Variants in ARIH1 observed in about 807,000 individuals in gnomAD.
The protein encoded by ARIH1 is E3 ubiquitin-protein ligase ARIH1.
A neutral mutation model predicts 85.0 loss-of-function variants in ARIH1; 8 were observed. The ratio of observed to expected loss-of-function variants is 0.09; its 90% CI spans 0.06 to 0.17. The LOEUF is 0.17. Among genes scored for constraint, ARIH1 ranks in the 10% least tolerant of loss-of-function variants. The pLI, the probability that ARIH1 is intolerant of heterozygous loss-of-function variation, is 1.00. For missense variants in ARIH1, 311 were observed against 718.1 expected (o/e 0.43, Z 6.48); for synonymous variants, 238 against 253.6 (o/e 0.94, Z 0.59).
Position 72,595,591 on chromosome 15 carries a change from G to C in ARIH1, c.*12299G>C, listed in dbSNP as rs1177050633. The C allele has an allele frequency of 6.6e-6, 1 of 152,208 alleles. No individual in the cohort carries two copies. Among genetic ancestry groups the C allele is most frequent in the Non-Finnish European group, 1.5e-5 (1 of 68,114 alleles). The allele number at this position is 152,208 out of a possible 1,614,324, so 9.4% of individuals were successfully genotyped here. On this transcript the variant is annotated 3_prime_UTR_variant, in exon 14 of 14. Transcript: ENST00000379887. ...CTTTCTTGGCTCCAGCAATCATCCT[G>C]CCTCAGCCTCCCGAGTAGCTGGGAC...
Position 72,602,471 on chromosome 15 carries a change from A to T in ARIH1, c.*19179A>T, listed in dbSNP as rs750424932. 6 of 152,198 alleles carry T rather than the reference A, an allele frequency of 3.9e-5. No homozygotes were observed. Among genetic ancestry groups the T allele is most frequent in the Admixed American group, 3.3e-4 (5 of 15,286 alleles). The allele number at this position is 152,198 out of a possible 1,614,324, so 9.4% of individuals were successfully genotyped here. A position where few individuals can be genotyped will look rare whatever the true frequency, so the allele number is the denominator to read the frequency against. On this transcript the variant is annotated 3_prime_UTR_variant, in exon 14 of 14. Coordinates refer to ENST00000379887, the MANE Select transcript of ARIH1 (RefSeq NM_005744.5). ...ATAAACTTTGCTTACTTATTATCTA[A>T]TGTCTGACTAATTTGCTACACTCTA...
chr15:72,510,760 AAAAAAAAAAAG>A, intron 1 of ARIH1, among the ~76,000 whole-genome samples: 1 of 148,016 alleles, frequency 6.8e-6, no homozygotes, highest in African/African-American at 2.5e-5. Flanking sequence ...AAAAAAAAAA[AAAAAAAAAAAG>A]ACTTTTTCCC....
intron 2 of ARIH1, among the ~76,000 whole-genome samples, chr15:72,519,854 G>T (rs1169087728): frequency 6.6e-6 from 1 of 151,910 alleles, no homozygotes; most frequent in Non-Finnish European, 1.5e-5. Context: ...TTTTTTATTT[G>T]ATGACACCTC....
Position 72,541,164 on chromosome 15 carries a change from G to C in ARIH1, c.444-3656G>C, listed in dbSNP as rs554135653. On this transcript the variant is annotated intron_variant, in intron 2 of 13. Coordinates refer to ENST00000379887, the MANE Select transcript of ARIH1 (RefSeq NM_005744.5). ...AAAGGAAGCGGTGTATCAAGCGAAT[G>C]AGCTACAGCTGTGAGGGTTTAGCAT... Among the ~76,000 whole-genome samples the C allele has an allele frequency of 1.0e-3, 154 of 152,300 alleles. No individual in the cohort carries two copies. In the Middle Eastern group the frequency reaches 0.01, roughly 10 times the overall value.
rs1230464282 is a variant in ARIH1, at chr15:72,593,651, G to A, written c.*10359G>A. The A allele has an allele frequency of 1.3e-5, 2 of 152,114 alleles. No homozygotes were observed. Among genetic ancestry groups the A allele is most frequent in the Non-Finnish European group, 2.9e-5 (2 of 68,008 alleles). 9.4% of individuals were successfully genotyped at this position (152,114 alleles called of 1,614,324 possible). The stretch of plus-strand genomic sequence containing the variant: ...GTGTGTGTGTATTTCTACATTTTCT[G>A]TTCTGTTCCATTAATCTATTTGTGT... On this transcript the variant is annotated 3_prime_UTR_variant, in exon 14 of 14. Coordinates refer to ENST00000379887, the MANE Select transcript of ARIH1 (RefSeq NM_005744.5).
rs148519027 is a variant in ARIH1 at position 72,508,982 on chromosome 15, C to T, written c.376-9085C>T. ...GTGCTGGGATTACAGGTGTGAGCCA[C>T]TGTGCCTGGCCCTTTTTTTTTTTTT... On this transcript the variant is annotated intron_variant, in intron 1 of 13. Transcript: ENST00000379887. Among the ~76,000 whole-genome samples, 648 of 150,736 alleles carry T rather than the reference C, an allele frequency of 4.3e-3. 6 individuals are homozygous for T. The highest frequency in any genetic ancestry group is 0.015 in the African/African-American group (627 of 41,072).
At chr15:72,522,832 C>G (rs996053953) in intron 2 of ARIH1, among the ~76,000 whole-genome samples, 3 of 152,112 alleles carry the variant, frequency 2.0e-5, no homozygotes, top group Non-Finnish European at 4.4e-5. Context: ...AAAAATGGGC[C>G]AAAGAGCTTA....
intron 9 of ARIH1, among the ~76,000 whole-genome samples, chr15:72,567,782 C>T (rs1172051306): frequency 6.6e-6 from 1 of 152,150 alleles, no homozygotes; most frequent in Non-Finnish European, 1.5e-5. Flanking sequence ...GTAATTCAGT[C>T]CTATCCTATC....
chr15:72,492,230 T>C (rs2063862369), intron 1 of ARIH1, among the ~76,000 whole-genome samples: 1 of 152,192 alleles, frequency 6.6e-6, no homozygotes, highest in Non-Finnish European at 1.5e-5. Flanking sequence ...ATATATATTA[T>C]ATAAAATTTG....
chr15:72,570,423 A>G (rs915725974), intron 10 of ARIH1, 116 bp downstream of exon 10: 1 of 1,261,754 alleles, frequency 7.9e-7, no homozygotes, highest in Admixed American at 2.2e-5. Context: ...ATAAATACAT[A>G]GTGTGTGATT....
chr15:72,514,866 GGCAT>G (rs2063967762), intron 1 of ARIH1, among the ~76,000 whole-genome samples: 1 of 152,016 alleles, frequency 6.6e-6, no homozygotes, highest in African/African-American at 2.4e-5. Context: ...TGAGTGTGGT[GGCAT>G]GCCCCTGTAA....
At chr15:72,531,738 C>G (rs1285606205) in intron 2 of ARIH1, among the ~76,000 whole-genome samples, 1 of 152,098 alleles carries the variant, frequency 6.6e-6, no homozygotes, top group Non-Finnish European at 1.5e-5. Flanking sequence ...AAGATGATAC[C>G]TCAGTCTTTT....
chr15:72,598,805 C>T lies in ARIH1; in HGVS notation c.*15513C>T, dbSNP rs909509539. 1 of 151,798 alleles carries T rather than the reference C, an allele frequency of 6.6e-6. No individual in the cohort carries two copies. The highest frequency in any genetic ancestry group is 6.6e-5 in the Admixed American group (1 of 15,240). 9.4% of individuals were successfully genotyped at this position (151,798 alleles called of 1,614,324 possible). On this transcript the variant is annotated 3_prime_UTR_variant, in exon 14 of 14. Coordinates refer to ENST00000379887, the MANE Select transcript of ARIH1 (RefSeq NM_005744.5). Reference sequence around the variant, plus strand: ...TGATCATAGCTCACTGCTGGCTTGACCTTCTGGGCTCAAGTGATCCTCTTG... The same window carrying T: ...TGATCATAGCTCACTGCTGGCTTGATCTTCTGGGCTCAAGTGATCCTCTTG...
chr15:72,539,548 G>A (rs1295927907), intron 2 of ARIH1, among the ~76,000 whole-genome samples: 1 of 152,170 alleles, frequency 6.6e-6, no homozygotes, highest in Non-Finnish European at 1.5e-5. Context: ...AATAGGTCTG[G>A]AAGACAGGAA....
At chr15:72,526,860 C>CTTTTT (rs58241698) in intron 2 of ARIH1, among the ~76,000 whole-genome samples, 1 of 138,146 alleles carries the variant, frequency 7.2e-6, no homozygotes, top group Non-Finnish European at 1.5e-5. Flanking sequence ...CTGTCTAATG[C>CTTTTT]TTTTTTTTTT....
intron 1 of ARIH1, among the ~76,000 whole-genome samples, chr15:72,477,618 C>T (rs775955267): frequency 1.3e-5 from 2 of 152,020 alleles, no homozygotes; most frequent in African/African-American, 4.8e-5. Flanking sequence ...TAGGTTTGGT[C>T]TTCAAATAAG....
At chr15:72,534,956 A>ATTTTTTTTTT (rs1179478559) in intron 2 of ARIH1, among the ~76,000 whole-genome samples, 1 of 45,114 alleles carries the variant, frequency 2.2e-5, no homozygotes, top group Non-Finnish European at 1.9e-4. Flanking sequence ...TATTGTCTGT[A>ATTTTTTTTTT]TTCTTTTTTT....
intron 1 of ARIH1, among the ~76,000 whole-genome samples, chr15:72,516,018 C>T (rs754961235): frequency 1.8e-4 from 27 of 152,178 alleles, no homozygotes; most frequent in Non-Finnish European, 4.0e-4. Flanking sequence ...TAAATAAAAA[C>T]ATGGTGGTGG....
chr15:72,555,832 TA>T lies in ARIH1; in HGVS notation c.682-17del. 6.2e-7 allele frequency: 1 copy of T among 1,609,102 alleles called. No homozygotes were observed. Among genetic ancestry groups the T allele is most frequent in the Non-Finnish European group, 8.5e-7 (1 of 1,176,010 alleles). On this transcript the variant is annotated intron_variant, in intron 4 of 13. Transcript: ENST00000379887. ...AAATATTTGTTGAATGAAGACAGTT[TA>T]AATTTCAATCTTTTTCAGACTATTT...
Sources: gnomAD v4.1 joint callset for allele counts (sites outside exome capture counted in the v4.1 genomes callset) on GRCh38, gnomAD v4.1.1 for gene constraint, MANE v1.5 for transcripts, NCBI Gene and HGNC (gene_info 2026-07-23, HGNC 2026-07-21) for gene names.